Variants in POLN observed in about 807,000 individuals in gnomAD.
POLN encodes the protein DNA polymerase N.
In POLN, 108 loss-of-function variants were observed where a neutral mutation model predicts 113.5. That is an observed-to-expected ratio of 0.95 (90% confidence interval 0.81 to 1.12). POLN has a LOEUF of 1.12. Ranked by LOEUF, POLN falls within the 50% of genes most tolerant of loss-of-function variation. The pLI, the probability that POLN is intolerant of heterozygous loss-of-function variation, is 0.00. For missense variants in POLN, 1,097 were observed against 1,077.1 expected, an observed-to-expected ratio of 1.02 and a Z score of -0.26; for synonymous variants, 386 against 391.5, an observed-to-expected ratio of 0.99 and a Z score of 0.17.
chr4:2,174,616 G>A, intron 10 of POLN, 75 bp downstream of exon 10: 1 of 1,233,360 alleles, frequency 8.1e-7, no homozygotes, highest in South Asian at 1.2e-5. Flanking sequence ...AGTAAGGTAT[G>A]GAGAAATGTT....
chr4:2,103,414 A>G (rs1378980968), intron 19 of POLN, among the ~76,000 whole-genome samples: 12 of 152,142 alleles, frequency 7.9e-5, no homozygotes, highest in Admixed American at 7.9e-4. Flanking sequence ...AAAATTAAAG[A>G]AAAAAGAATA....
Position 2,126,429 on chromosome 4 carries a change from T to C in POLN, c.1982+1684A>G, listed in dbSNP as rs1034345449. Among the ~76,000 whole-genome samples the C allele has an allele frequency of 1.3e-5, 2 of 152,172 alleles. No individual in the cohort carries two copies. Among genetic ancestry groups the C allele is most frequent in the African/African-American group, 4.8e-5 (2 of 41,436 alleles). ...TTCATTCATTTATTTGACAAATCCT[T>C]TGTGAGTCCCCACCCTTTGTGGAGC... is the stretch of plus-strand genomic sequence containing the variant. On this transcript the variant is annotated intron_variant, in intron 19 of 25. Coordinates refer to ENST00000511885, the MANE Select transcript of POLN (RefSeq NM_181808.4). This position sits in a 1 kb window ranked among gnomAD's most constrained non-coding sequence, Gnocchi z 4.6.
rs150602431 is a variant in POLN at position 2,221,709 on chromosome 4, G to A, written c.133+7390C>T. Among the ~76,000 whole-genome samples the A allele has an allele frequency of 3.6e-3, 547 of 152,256 alleles. 4 individuals carry two copies. Among genetic ancestry groups the A allele is most frequent in the African/African-American group, 0.012 (482 of 41,538 alleles). On this transcript the variant is annotated intron_variant, in intron 3 of 25. Transcript: ENST00000511885. The stretch of plus-strand genomic sequence containing the variant: ...TCCTGCCTCATCCTCCCGAGCAGCT[G>A]GGATTACAGGCACCTGCCACCATGC...
chr4:2,241,270 C>G (rs528320547), intron 2 of POLN, among the ~76,000 whole-genome samples: 2 of 152,214 alleles, frequency 1.3e-5, no homozygotes, highest in East Asian at 1.9e-4. Context: ...CTCAGAAAAC[C>G]GCAACAGTAA....
At chr4:2,220,593 C>T (rs1385949896) in intron 3 of POLN, among the ~76,000 whole-genome samples, 1 of 152,240 alleles carries the variant, frequency 6.6e-6, no homozygotes, top group South Asian at 2.1e-4. Flanking sequence ...TCCTTCGGCA[C>T]CCCACTTCAG....
intron 23 of POLN, among the ~76,000 whole-genome samples, chr4:2,075,981 C>T (rs1032544669): frequency 2.0e-5 from 3 of 152,200 alleles, no homozygotes; most frequent in Non-Finnish European, 1.5e-5. Context: ...CCTCGAACAA[C>T]ATCATGGGTT....
intron 19 of POLN, among the ~76,000 whole-genome samples, chr4:2,107,982 T>G (rs1022076280): frequency 6.6e-6 from 1 of 152,132 alleles, no homozygotes. Context: ...TGCGATGCTC[T>G]TCATCCGAGC....
chr4:2,204,457 C>A (rs1334684600), intron 5 of POLN, among the ~76,000 whole-genome samples: 14 of 151,978 alleles, frequency 9.2e-5, no homozygotes, highest in Non-Finnish European at 2.9e-5. Context: ...AAAAAAATTA[C>A]AAATAAAAAA....
At chr4:2,149,809 C>A (rs1306536099) in intron 16 of POLN, among the ~76,000 whole-genome samples, 3 of 151,206 alleles carry the variant, frequency 2.0e-5, no homozygotes, top group Non-Finnish European at 4.4e-5. Context: ...GAGGGCCGGG[C>A]GCGTTGACTC....
At chr4:2,178,325 C>A (rs1309521613) in intron 8 of POLN, among the ~76,000 whole-genome samples, 1 of 152,230 alleles carries the variant, frequency 6.6e-6, no homozygotes, top group Non-Finnish European at 1.5e-5. Flanking sequence ...TCACCACTTG[C>A]TTTGCTGTGA....
At chr4:2,105,285 G>A (rs971908843) in intron 19 of POLN, among the ~76,000 whole-genome samples, 5 of 151,972 alleles carry the variant, frequency 3.3e-5, no homozygotes, top group African/African-American at 7.3e-5. Context: ...CATCTCTACC[G>A]ATTTTTCCCT....
At chr4:2,239,093 A>G (rs1734878013) in intron 2 of POLN, 1 of 994,438 alleles carries the variant, frequency 1.0e-6, no homozygotes, top group Non-Finnish European at 1.4e-6. Context: ...TAAATTTGAA[A>G]TCATCTTAAG....
chr4:2,166,306 T>G (rs964908226), intron 13 of POLN, among the ~76,000 whole-genome samples: 1 of 152,204 alleles, frequency 6.6e-6, no homozygotes, highest in Non-Finnish European at 1.5e-5. Context: ...GCCTTGTTCT[T>G]ATTCCTTGCA....
chr4:2,196,753 TA>T (rs1733585750), intron 6 of POLN, among the ~76,000 whole-genome samples: 1 of 152,178 alleles, frequency 6.6e-6, no homozygotes. Context: ...CAGAAGGAAG[TA>T]AGGAAAAACC....
intron 24 of POLN, among the ~76,000 whole-genome samples, chr4:2,074,273 G>A (rs1730224546): frequency 6.6e-6 from 1 of 152,178 alleles, no homozygotes; most frequent in Non-Finnish European, 1.5e-5. Context: ...CACCGCCTGG[G>A]AGATATGACC....
At chr4:2,164,830 A>T in intron 13 of POLN, among the ~76,000 whole-genome samples, 1 of 146,002 alleles carries the variant, frequency 6.8e-6, no homozygotes. Flanking sequence ...AAAAAAAAAA[A>T]AAAAAAAAAA....
intron 19 of POLN, among the ~76,000 whole-genome samples, chr4:2,115,229 T>TATATATATATA (rs1553895279): frequency 9.7e-5 from 3 of 30,858 alleles, no homozygotes; most frequent in African/African-American, 2.0e-4. Flanking sequence ...TATATATATA[T>TATATATATATA]TTTTTTTTTT....
At chr4:2,210,007 T>TTATATATATATA (rs139428211) in intron 4 of POLN, among the ~76,000 whole-genome samples, 9 of 146,164 alleles carry the variant, frequency 6.2e-5, no homozygotes, top group African/African-American at 2.2e-4. Context: ...TAAATTTACT[T>TTATATATATATA]TATATATATA....
intron 19 of POLN, among the ~76,000 whole-genome samples, chr4:2,096,176 A>C: frequency 6.6e-6 from 1 of 152,158 alleles, no homozygotes; most frequent in East Asian, 1.9e-4. Flanking sequence ...CCACGTTCCC[A>C]GGTGTCCACA....
Sources: allele counts gnomAD v4.1 joint callset (sites outside exome capture counted in the v4.1 genomes callset), GRCh38; gene constraint gnomAD v4.1.1; non-coding constraint Gnocchi (gnomAD v3.1); transcripts MANE v1.5; gene names NCBI Gene and HGNC (gene_info 2026-07-23, HGNC 2026-07-21).